Variants in EPS8 observed in about 807,000 individuals in gnomAD.
EPS8 encodes EGFR pathway substrate 8, signaling adaptor.
Under a neutral mutation model 103.8 loss-of-function variants are expected in EPS8, and 42 were observed. The observed-to-expected ratio is 0.40, with a 90% CI of 0.32 to 0.52. The LOEUF is 0.52. EPS8 is among the 20% of genes least tolerant of loss of function. The pLI is 0.40. For missense variants in EPS8, 969 were observed against 1,005.1 expected, an observed-to-expected ratio of 0.96 and a Z score of 0.49; for synonymous variants, 344 against 344.6, an observed-to-expected ratio of 1.00 and a Z score of 0.02.
intron 1 of EPS8, among the ~76,000 whole-genome samples, chr12:15,692,804 A>G (rs74063348): frequency 3.8e-3 from 575 of 150,826 alleles, no homozygotes; most frequent in African/African-American, 0.013. Flanking sequence ...TGAGTTTCTT[A>G]TTTCTTCTAT....
rs1947319279 is a variant in EPS8 at position 15,787,096 on chromosome 12, C to A, written c.-22+2065G>T. On this transcript the variant is annotated intron_variant, in intron 1 of 20. Transcript: ENST00000281172. This position sits in a 1 kb window ranked among gnomAD's most constrained non-coding sequence, Gnocchi z 4.9. ...ATAGAACTTCAAGTATTTAAAGAGA[C>A]AACTTTTAAAAACCTATCATTTCCT... Among the ~76,000 whole-genome samples the A allele has an allele frequency of 6.6e-6, 1 of 152,062 alleles. No homozygotes were observed. The highest frequency in any genetic ancestry group is 6.5e-5 in the Admixed American group (1 of 15,274).
At position 15,688,967 on chromosome 12, in the gene EPS8, C is replaced by A. The variant is rs1946134559; in HGVS notation, c.-21-5995G>T. 6.6e-6 allele frequency among the ~76,000 whole-genome samples: 1 copy of A among 152,132 alleles called. No homozygotes were observed. Among genetic ancestry groups the A allele is most frequent in the Non-Finnish European group, 1.5e-5 (1 of 68,026 alleles). On this transcript the variant is annotated intron_variant, in intron 1 of 20. Coordinates refer to ENST00000281172, the MANE Select transcript of EPS8 (RefSeq NM_004447.6). The surrounding 1 kb of genome is among the most constrained non-coding windows in gnomAD (Gnocchi z 5.1). ...TGTGGGATTGGAACCTCACAGCCTG[C>A]CAGTCTGCATGCTCCCCTAGAGGTC...
chr12:15,783,789 T>C (rs916958102), intron 1 of EPS8, among the ~76,000 whole-genome samples: 21 of 151,296 alleles, frequency 1.4e-4, no homozygotes, highest in Admixed American at 1.2e-3. Context: ...ACACAGTACA[T>C]GCTGTATTAT....
At chr12:15,703,696 G>T (rs1946342352) in intron 1 of EPS8, among the ~76,000 whole-genome samples, 1 of 151,024 alleles carries the variant, frequency 6.6e-6, no homozygotes, top group Admixed American at 6.6e-5. Context: ...TAATGTTTAA[G>T]AAAATAACTA....
chr12:15,774,954 G>A (rs1265358647), intron 1 of EPS8, among the ~76,000 whole-genome samples: 1 of 151,946 alleles, frequency 6.6e-6, no homozygotes, highest in Non-Finnish European at 1.5e-5. Context: ...GTGCAAATAA[G>A]GAAGTTTTTT....
At chr12:15,712,941 C>T (rs1024657254) in intron 1 of EPS8, 3 of 984,928 alleles carry the variant, frequency 3.0e-6, no homozygotes, top group South Asian at 4.7e-5. Context: ...GCCAAGTGAC[C>T]TTTGGCACAA....
intron 17 of EPS8, among the ~76,000 whole-genome samples, chr12:15,637,352 T>C (rs961685020): frequency 6.6e-6 from 1 of 152,222 alleles, no homozygotes; most frequent in African/African-American, 2.4e-5. Context: ...CACTATTCTC[T>C]AGAACAGCAG....
chr12:15,732,414 C>A (rs1422623066), intron 1 of EPS8, among the ~76,000 whole-genome samples: 1 of 152,096 alleles, frequency 6.6e-6, no homozygotes, highest in Admixed American at 6.6e-5. Context: ...CTTCTTTGTG[C>A]TCCACAATGT....
In EPS8 at chr12:15,748,697, G is replaced by A. The variant is rs1425008937; in HGVS notation, c.-22+40464C>T. Among the ~76,000 whole-genome samples, 1 of 152,246 alleles carries A rather than the reference G, an allele frequency of 6.6e-6. No homozygotes were observed. Among genetic ancestry groups the A allele is most frequent in the East Asian group, 1.9e-4 (1 of 5,182 alleles). ...GTTTAAAATGGAATAACTCTAGATA[G>A]AAAATTCTATTCTGCAACAAGTTTT... is the stretch of plus-strand genomic sequence containing the variant. On this transcript the variant is annotated intron_variant, in intron 1 of 20. Transcript: ENST00000281172. The surrounding 1 kb of genome is among the most constrained non-coding windows in gnomAD (Gnocchi z 4.8).
Position 15,641,019 on chromosome 12 carries a change from T to C in EPS8, c.1678-173A>G, listed in dbSNP as rs113072710. ...TACACTAAGAAGACATTTATGAGTATACAGTAGGTAAGGTATCATTATGGT... is the reference window on the plus strand; with the variant it reads ...TACACTAAGAAGACATTTATGAGTACACAGTAGGTAAGGTATCATTATGGT... On this transcript the variant is annotated intron_variant, in intron 16 of 20. Coordinates refer to ENST00000281172, the MANE Select transcript of EPS8 (RefSeq NM_004447.6). Among the ~76,000 whole-genome samples, 348 of 149,208 alleles carry C rather than the reference T, an allele frequency of 2.3e-3. 2 individuals are homozygous for C. Among genetic ancestry groups the C allele is most frequent in the African/African-American group, 8.6e-3 (333 of 38,810 alleles).
chr12:15,621,568 A>C (rs1005548459), intron 20 of EPS8, 138 bp from the exon 21 acceptor site: 2 of 578,166 alleles, frequency 3.5e-6, no homozygotes, highest in Non-Finnish European at 6.0e-6. Flanking sequence ...TCTACTTTTT[A>C]AGTGAAGCTT....
In EPS8 at chr12:15,738,832, C is replaced by T. The variant is rs1946791757; in HGVS notation, c.-22+50329G>A. On this transcript the variant is annotated intron_variant, in intron 1 of 20. Coordinates refer to ENST00000281172, the MANE Select transcript of EPS8 (RefSeq NM_004447.6). The surrounding 1 kb of genome is among the most constrained non-coding windows in gnomAD (Gnocchi z 6.2). ...GTTGAATCCACTTACAAGCATACAC[C>T]TTCACTCCAAGGACCTCAGATTAAA... 6.6e-6 allele frequency among the ~76,000 whole-genome samples: 1 copy of T among 152,114 alleles called. No homozygotes were observed. The highest frequency in any genetic ancestry group is 6.5e-5 in the Admixed American group (1 of 15,270).
chr12:15,770,275 C>G, intron 1 of EPS8, among the ~76,000 whole-genome samples: 1 of 92,768 alleles, frequency 1.1e-5, no homozygotes, highest in South Asian at 3.9e-4. Context: ...CATGACAGAG[C>G]GAGACCCTGT....
intron 1 of EPS8, among the ~76,000 whole-genome samples, chr12:15,744,727 T>G (rs1353870635): frequency 6.6e-6 from 1 of 152,216 alleles, no homozygotes; most frequent in Non-Finnish European, 1.5e-5. Context: ...TATAACACAG[T>G]ATGATAAATG....
intron 1 of EPS8, among the ~76,000 whole-genome samples, chr12:15,773,796 T>C (rs972887111): frequency 6.6e-6 from 1 of 152,018 alleles, no homozygotes; most frequent in African/African-American, 2.4e-5. Flanking sequence ...GTAAACAGAG[T>C]GACAAGGTGG....
chr12:15,680,863 G>A (rs974820227), intron 3 of EPS8, among the ~76,000 whole-genome samples: 5 of 151,778 alleles, frequency 3.3e-5, no homozygotes, highest in Admixed American at 2.6e-4. Flanking sequence ...CAAAATTCAA[G>A]AGCTATCAGG....
rs1351987008 is a variant in EPS8 at position 15,664,018 on chromosome 12, A to G, written c.736+1738T>C. On this transcript the variant is annotated intron_variant, in intron 8 of 20. Transcript: ENST00000281172. ...ATATGGTTCAACATATAATATACATAATATATATTATATATATTAGGTTCA... is the reference window on the plus strand; with the variant it reads ...ATATGGTTCAACATATAATATACATGATATATATTATATATATTAGGTTCA... Among the ~76,000 whole-genome samples, 4 of 145,910 alleles carry G rather than the reference A, an allele frequency of 2.7e-5. No homozygotes were observed. The East Asian group carries it at 5.9e-4, about 21-fold the overall frequency.
At chr12:15,621,811 T>A (rs1944866390) in intron 20 of EPS8, among the ~76,000 whole-genome samples, 1 of 152,182 alleles carries the variant, frequency 6.6e-6, no homozygotes, top group Non-Finnish European at 1.5e-5. Context: ...CTTTAGAAGA[T>A]TTTAACTCAG....
chr12:15,788,440 G>A (rs994450014), intron 1 of EPS8, among the ~76,000 whole-genome samples: 1 of 152,258 alleles, frequency 6.6e-6, no homozygotes, highest in East Asian at 1.9e-4. Flanking sequence ...GCCGGAGAAC[G>A]GTCGGTGCAA....
Sources: allele counts gnomAD v4.1 joint callset (sites outside exome capture counted in the v4.1 genomes callset), GRCh38; gene constraint gnomAD v4.1.1; non-coding constraint Gnocchi (gnomAD v3.1); transcripts MANE v1.5; gene names NCBI Gene and HGNC (gene_info 2026-07-23, HGNC 2026-07-21).